Variants in SYNDIG1 observed in about 807,000 individuals in gnomAD.
SYNDIG1 encodes synapse differentiation inducing 1, also known as synapse differentiation-inducing gene protein 1.
In SYNDIG1, 9 loss-of-function variants were observed where a neutral mutation model predicts 19.4. That is an observed-to-expected ratio of 0.46 (90% CI 0.28 to 0.81). The LOEUF (loss-of-function observed/expected upper bound fraction) is 0.81. SYNDIG1 is among the 30% of genes least tolerant of loss of function. SYNDIG1 has a pLI of 0.12. For synonymous variants in SYNDIG1, 141 were observed against 145.9 expected (o/e 0.97, Z 0.24); for missense variants, 311 against 343.3 (o/e 0.91, Z 0.74).
At chr20:24,471,720 C>T (rs1430217422) in intron 1 of SYNDIG1, among the ~76,000 whole-genome samples, 2 of 151,844 alleles carry the variant, frequency 1.3e-5, no homozygotes, top group Admixed American at 6.6e-5. Flanking sequence ...GCTTTGTGTA[C>T]CCCCCACCCA....
chr20:24,552,825 G>A (rs1353264577), intron 2 of SYNDIG1, among the ~76,000 whole-genome samples: 12 of 152,222 alleles, frequency 7.9e-5, no homozygotes, highest in South Asian at 2.1e-4. Flanking sequence ...GTATATACCC[G>A]GTAATGGGAT....
At chr20:24,593,939 G>C (rs992235779) in intron 3 of SYNDIG1, among the ~76,000 whole-genome samples, 1 of 152,104 alleles carries the variant, frequency 6.6e-6, no homozygotes, top group Non-Finnish European at 1.5e-5. Flanking sequence ...TTAGACCTTT[G>C]TTGGATGAAT....
Position 24,548,374 on chromosome 20 carries a change from G to A in SYNDIG1, c.480+4797G>A, listed in dbSNP as rs190677251. Among the ~76,000 whole-genome samples the A allele has an allele frequency of 1.4e-4, 21 of 152,338 alleles. No homozygotes were observed. In the South Asian group the frequency reaches 1.4e-3, roughly 11 times the overall value. On this transcript the variant is annotated intron_variant, in intron 2 of 3. Coordinates refer to ENST00000376862, the MANE Select transcript of SYNDIG1 (RefSeq NM_024893.3). ...AGGACTTCACTTCTGTGAACTCTCC[G>A]CCAAGCTTTCCAAGGCCTTCCAGTC...
chr20:24,662,956 C>G (rs1457555317), intron 3 of SYNDIG1, among the ~76,000 whole-genome samples: 7 of 152,234 alleles, frequency 4.6e-5, no homozygotes, highest in Non-Finnish European at 1.0e-4. Flanking sequence ...GAGCTTTCGT[C>G]CAGCAGCTGT....
chr20:24,624,144 C>T (rs1395468929), intron 3 of SYNDIG1, among the ~76,000 whole-genome samples: 1 of 151,718 alleles, frequency 6.6e-6, no homozygotes, highest in East Asian at 1.9e-4. Context: ...TGCCTGTAGT[C>T]CCAGCTACTT....
At chr20:24,608,644 C>T (rs572959785) in intron 3 of SYNDIG1, among the ~76,000 whole-genome samples, 2 of 152,254 alleles carry the variant, frequency 1.3e-5, no homozygotes, top group East Asian at 1.9e-4. Flanking sequence ...GCTGATCTCA[C>T]GGATGAGACA....
chr20:24,492,275 A>G (rs1419513802), intron 1 of SYNDIG1, among the ~76,000 whole-genome samples: 1 of 152,172 alleles, frequency 6.6e-6, no homozygotes, highest in African/African-American at 2.4e-5. Context: ...CACAGTGAAC[A>G]CAGAAAGCAG....
chr20:24,533,400 G>A (rs1458897566), intron 1 of SYNDIG1, among the ~76,000 whole-genome samples: 4 of 152,132 alleles, frequency 2.6e-5, no homozygotes, highest in African/African-American at 9.7e-5. Context: ...TATTTACAGA[G>A]CTGTGGGTTT....
At chr20:24,598,892 G>A (rs1452804215) in intron 3 of SYNDIG1, among the ~76,000 whole-genome samples, 1 of 152,004 alleles carries the variant, frequency 6.6e-6, no homozygotes, top group East Asian at 1.9e-4. Context: ...AACTACTAAA[G>A]AAAACCTAGG....
chr20:24,470,154 C>T lies in SYNDIG1; in HGVS notation c.-79+401C>T, dbSNP rs189648670. Among the ~76,000 whole-genome samples, 432 of 152,276 alleles carry T rather than the reference C, an allele frequency of 2.8e-3. 2 individuals carry two copies. Among genetic ancestry groups the T allele is most frequent in the African/African-American group, 0.01 (419 of 41,558 alleles). On this transcript the variant is annotated intron_variant, in intron 1 of 3. Transcript: ENST00000376862. The stretch of plus-strand genomic sequence containing the variant: ...GCGGAGCCAGGCTGCCCAGCAGGGC[C>T]ATGAGGGCGCGCGGCGGGCCAAGGC...
At chr20:24,517,695 C>G (rs1243263714) in intron 1 of SYNDIG1, among the ~76,000 whole-genome samples, 1 of 139,308 alleles carries the variant, frequency 7.2e-6, no homozygotes, top group South Asian at 2.2e-4. Flanking sequence ...TATATATATA[C>G]ACATATATAT....
chr20:24,482,882 A>G (rs1387064891), intron 1 of SYNDIG1, among the ~76,000 whole-genome samples: 4 of 152,242 alleles, frequency 2.6e-5, no homozygotes, highest in Non-Finnish European at 2.9e-5. Flanking sequence ...ATATTTATTC[A>G]GATAATTCTT....
chr20:24,609,262 AGCAAAT>A (rs1209654478), intron 3 of SYNDIG1, among the ~76,000 whole-genome samples: 1 of 152,222 alleles, frequency 6.6e-6, no homozygotes, highest in Non-Finnish European at 1.5e-5. Flanking sequence ...CAGAGAGCAT[AGCAAAT>A]GCCAAATTTA....
chr20:24,487,637 A>G (rs1377602871), intron 1 of SYNDIG1, among the ~76,000 whole-genome samples: 1 of 152,228 alleles, frequency 6.6e-6, no homozygotes, highest in African/African-American at 2.4e-5. Flanking sequence ...GTATGTGTAC[A>G]TGTATATGTG....
intron 1 of SYNDIG1, among the ~76,000 whole-genome samples, chr20:24,522,755 T>C (rs1375964199): frequency 6.6e-6 from 1 of 152,194 alleles, no homozygotes; most frequent in African/African-American, 2.4e-5. Context: ...TGTACAAGCA[T>C]GGTGCCAGCA....
chr20:24,541,274 A>C (rs971458864), intron 1 of SYNDIG1, among the ~76,000 whole-genome samples: 1 of 152,372 alleles, frequency 6.6e-6, no homozygotes, highest in Middle Eastern at 3.4e-3. Context: ...TTTATGTAGA[A>C]TATAAAACTT....
At chr20:24,484,077 A>T (rs1427329981) in intron 1 of SYNDIG1, among the ~76,000 whole-genome samples, 1 of 152,172 alleles carries the variant, frequency 6.6e-6, no homozygotes, top group Admixed American at 6.5e-5. Context: ...GTTTACTGAG[A>T]TCCAGGTGCC....
chr20:24,477,627 C>T (rs2055672173), intron 1 of SYNDIG1, among the ~76,000 whole-genome samples: 1 of 152,184 alleles, frequency 6.6e-6, no homozygotes, highest in Non-Finnish European at 1.5e-5. Flanking sequence ...TCTTGTCCTC[C>T]AGTGATTGCA....
At chr20:24,569,875 G>A (rs117053001) in intron 2 of SYNDIG1, among the ~76,000 whole-genome samples, 18 of 152,312 alleles carry the variant, frequency 1.2e-4, no homozygotes, top group Admixed American at 2.0e-4. Context: ...AAAGATGCTA[G>A]TTGTAGAACC....
Sources: allele counts gnomAD v4.1 joint callset (sites outside exome capture counted in the v4.1 genomes callset), GRCh38; gene constraint gnomAD v4.1.1; transcripts MANE v1.5; gene names NCBI Gene and HGNC (gene_info 2026-07-23, HGNC 2026-07-21).